Variants in PDCD4 observed in about 807,000 individuals in gnomAD.
PDCD4 encodes the protein programmed cell death 4.
A neutral mutation model predicts 54.0 loss-of-function variants in PDCD4; 56 were observed. The ratio of observed to expected loss-of-function variants is 1.04; its 90% CI spans 0.84 to 1.30. The LOEUF is 1.30. Ranked by LOEUF, PDCD4 falls within the 50% of genes most tolerant of loss-of-function variation. PDCD4 has a pLI of 0.00. For missense variants in PDCD4, 584 were observed against 559.8 expected, an observed-to-expected ratio of 1.04 and a Z score of -0.44; for synonymous variants, 186 against 194.8, an observed-to-expected ratio of 0.95 and a Z score of 0.37.
chr10:110,888,122 G>C (rs1457290122), intron 6 of PDCD4, among the ~76,000 whole-genome samples: 1 of 150,270 alleles, frequency 6.7e-6, no homozygotes, highest in Non-Finnish European at 1.5e-5. Flanking sequence ...CCTATGATCT[G>C]CATAGTTTTT....
rs1845891799 is a variant in PDCD4, at chr10:110,898,743, A to C, written c.*655A>C. On this transcript the variant is annotated 3_prime_UTR_variant, in exon 12 of 12. Transcript: ENST00000280154. ...AAATAAAACATGTGAAGCAGTATTG[A>C]TTCTTTATTGGGAGTACATTTTTTT... 1 of 152,616 alleles carries C rather than the reference A, an allele frequency of 6.6e-6. No individual in the cohort carries two copies. Among genetic ancestry groups the C allele is most frequent in the African/African-American group, 2.4e-5 (1 of 41,452 alleles). 9.5% of individuals were successfully genotyped at this position (152,616 alleles called of 1,614,324 possible).
chr10:110,896,627 T>C (rs1039288823), intron 11 of PDCD4, among the ~76,000 whole-genome samples: 1 of 152,096 alleles, frequency 6.6e-6, no homozygotes. Flanking sequence ...GTGATTTTCC[T>C]TGGAGCTATT....
chr10:110,877,152 G>A (rs1590726761), intron 2 of PDCD4, among the ~76,000 whole-genome samples: 1 of 152,320 alleles, frequency 6.6e-6, no homozygotes, highest in East Asian at 1.9e-4. Context: ...GTATGAGTAT[G>A]CTTTAGGGTT....
chr10:110,897,932 A>G (rs1320335896), intron 11 of PDCD4, 96 bp from the exon 12 acceptor site: 6 of 768,544 alleles, frequency 7.8e-6, no homozygotes, highest in Non-Finnish European at 1.2e-5. Flanking sequence ...AAAAGCTAAC[A>G]CGTAACGAAA....
rs987666574 is a variant in PDCD4, at chr10:110,876,090, T to C, written c.43+20T>C. On this transcript the variant is annotated intron_variant, in intron 2 of 11. Coordinates refer to ENST00000280154, the MANE Select transcript of PDCD4 (RefSeq NM_014456.5). ...CTGCAGGTAAGTAAGGATATCCTTT[T>C]TTCTTTTTTTCTTCGTTTTGAGACA... The C allele has an allele frequency of 6.3e-7, 1 of 1,590,550 alleles. No individual in the cohort carries two copies. The highest frequency in any genetic ancestry group is 1.4e-5 in the African/African-American group (1 of 73,812).
chr10:110,883,624 C>T lies in PDCD4; in HGVS notation c.441+527C>T, dbSNP rs1845625373. Among the ~76,000 whole-genome samples the T allele has an allele frequency of 3.3e-5, 5 of 152,118 alleles. No individual in the cohort carries two copies. The South Asian group carries it at 1.0e-3, about 32-fold the overall frequency. On this transcript the variant is annotated intron_variant, in intron 4 of 11. Transcript: ENST00000280154. ...CTTTACAAACTTAAATAATTACAAA[C>T]TCATAGGCAGTCTTGTTTAATTCCA...
At chr10:110,884,006 C>A (rs1251162480) in intron 4 of PDCD4, among the ~76,000 whole-genome samples, 3 of 152,114 alleles carry the variant, frequency 2.0e-5, no homozygotes, top group Non-Finnish European at 4.4e-5. Context: ...TATAGCAGTC[C>A]CCTCTTATCC....
At chr10:110,876,737 G>A in intron 2 of PDCD4, 1 of 1,296,482 alleles carries the variant, frequency 7.7e-7, no homozygotes, top group Non-Finnish European at 1.0e-6. Flanking sequence ...ACAGTTTTGT[G>A]GAATAGATGA....
chr10:110,896,172 C>G (rs540184333), intron 11 of PDCD4, 85 bp downstream of exon 11: 7 of 1,025,764 alleles, frequency 6.8e-6, no homozygotes, highest in Non-Finnish European at 1.0e-5. Context: ...GTTTATCGTT[C>G]CCTGAAGTCA....
intron 5 of PDCD4, among the ~76,000 whole-genome samples, chr10:110,887,079 G>A (rs1845679451): frequency 6.6e-6 from 1 of 152,156 alleles, no homozygotes; most frequent in East Asian, 1.9e-4. Context: ...GCAATATTAT[G>A]TAGTTTAATG....
In PDCD4 at chr10:110,891,406, CA is replaced by C. The variant is rs376743141; in HGVS notation, c.990+756del. On this transcript the variant is annotated intron_variant, in intron 8 of 11. Coordinates refer to ENST00000280154, the MANE Select transcript of PDCD4 (RefSeq NM_014456.5). ...TGGGTGACAGAGCAAGACTCTGTCTCAAAAAAAAAAAAAAAAAAAAGCGATT... is the reference window on the plus strand; with the variant it reads ...TGGGTGACAGAGCAAGACTCTGTCTCAAAAAAAAAAAAAAAAAAAGCGATT... Among the ~76,000 whole-genome samples the C allele has an allele frequency of 3.3e-3, 227 of 68,706 alleles. 1 individual carries two copies. The highest frequency in any genetic ancestry group is 0.031 in the South Asian group (47 of 1,496). The allele number at this position is 68,706 out of a possible 152,430, so 45.1% of individuals were successfully genotyped here.
chr10:110,894,029 A>G, intron 8 of PDCD4, 62 bp from the exon 9 acceptor site: 1 of 960,264 alleles, frequency 1.0e-6, no homozygotes, highest in South Asian at 1.4e-5. Context: ...ATAATCCTGT[A>G]GGCAAGCACG....
At chr10:110,885,230 C>T in intron 4 of PDCD4, 23 bp from the exon 5 acceptor site, 4 of 1,094,346 alleles carry the variant, frequency 3.7e-6, no homozygotes, top group Non-Finnish European at 5.5e-6. Context: ...TTTTATAACT[C>T]TTACTCCCTT....
intron 5 of PDCD4, among the ~76,000 whole-genome samples, chr10:110,885,701 C>G (rs1206072989): frequency 6.6e-6 from 1 of 151,476 alleles, no homozygotes; most frequent in African/African-American, 2.4e-5. Context: ...CTTCTAGACG[C>G]CCCCCGAAAC....
chr10:110,883,712 T>A (rs1845627293), intron 4 of PDCD4, among the ~76,000 whole-genome samples: 1 of 152,138 alleles, frequency 6.6e-6, no homozygotes. Flanking sequence ...TTGAAGCAAA[T>A]CCCAAATGTT....
intron 11 of PDCD4, among the ~76,000 whole-genome samples, chr10:110,896,704 T>TAATA (rs1044391969): frequency 3.3e-4 from 51 of 152,304 alleles, no homozygotes; most frequent in African/African-American, 1.2e-3. Context: ...GCTTATAATG[T>TAATA]AATAATATAA....
chr10:110,875,342 ATAT>A (rs761752092), intron 1 of PDCD4, among the ~76,000 whole-genome samples: 4 of 152,140 alleles, frequency 2.6e-5, no homozygotes, highest in African/African-American at 9.6e-5. Flanking sequence ...CATATAAATA[ATAT>A]TATCAAAAAA....
chr10:110,881,099 C>T, intron 2 of PDCD4, 134 bp from the exon 3 acceptor site: 4 of 621,776 alleles, frequency 6.4e-6, no homozygotes, highest in Middle Eastern at 2.6e-4. Flanking sequence ...GATGAAATTC[C>T]CAATATGTGA....
intron 6 of PDCD4, among the ~76,000 whole-genome samples, chr10:110,889,114 C>T (rs568993215): frequency 2.0e-5 from 3 of 149,662 alleles, no homozygotes; most frequent in South Asian, 4.2e-4. Flanking sequence ...CCCAGCCACT[C>T]GGGAGGCTGA....
Sources: gnomAD v4.1 joint callset for allele counts (sites outside exome capture counted in the v4.1 genomes callset) on GRCh38, gnomAD v4.1.1 for gene constraint, MANE v1.5 for transcripts, NCBI Gene and HGNC (gene_info 2026-07-23, HGNC 2026-07-21) for gene names.